The following SHQ1 variants were observed in gnomAD, a reference collection of about 807,000 sequenced individuals.
SHQ1 encodes protein SHQ1 homolog.
Under a neutral mutation model 53.8 loss-of-function variants are expected in SHQ1, and 49 were observed. That is an observed-to-expected ratio of 0.91 (90% confidence interval 0.72 to 1.16). SHQ1 has a LOEUF of 1.16. Ranked by LOEUF, SHQ1 falls within the 50% of genes most tolerant of loss-of-function variation. The pLI is 0.00. For synonymous variants in SHQ1, 243 were observed against 251.0 expected, an observed-to-expected ratio of 0.97 and a Z score of 0.30; for missense variants, 738 against 683.1, an observed-to-expected ratio of 1.08 and a Z score of -0.90.
At chr3:72,776,840 T>C (rs887091838) in intron 10 of SHQ1, among the ~76,000 whole-genome samples, 5 of 152,150 alleles carry the variant, frequency 3.3e-5, no homozygotes, top group Admixed American at 2.6e-4. Flanking sequence ...TAAGAAAGTA[T>C]GGCACTCTCG....
chr3:72,816,113 T>C (rs1502759), intron 7 of SHQ1, among the ~76,000 whole-genome samples: 151,924 of 152,260 alleles, frequency 1, 75,796 homozygotes, highest in East Asian at 1. Flanking sequence ...CAGACACAAA[T>C]GTCAAGAGGC....
At chr3:72,755,289 T>C (rs954151938) in intron 10 of SHQ1, among the ~76,000 whole-genome samples, 1 of 151,286 alleles carries the variant, frequency 6.6e-6, no homozygotes, top group Non-Finnish European at 1.5e-5. Context: ...GATGGATGGA[T>C]GGATGGATGG....
At chr3:72,806,555 C>T (rs1217512034) in intron 9 of SHQ1, among the ~76,000 whole-genome samples, 6 of 152,166 alleles carry the variant, frequency 3.9e-5, no homozygotes, top group Non-Finnish European at 8.8e-5. Flanking sequence ...AAAGTAGAGA[C>T]ATAAATTCCA....
the SHQ1 span, among the ~76,000 whole-genome samples, chr3:72,743,484 G>C: frequency 6.6e-6 from 1 of 152,194 alleles, no homozygotes; most frequent in Admixed American, 6.5e-5. Context: ...CCCAGACCCG[G>C]AAGAAGGAGG....
the SHQ1 span, among the ~76,000 whole-genome samples, chr3:72,731,598 G>T: frequency 6.6e-6 from 1 of 150,686 alleles, no homozygotes; most frequent in African/African-American, 2.5e-5. Context: ...TGAGGCAAGA[G>T]AATTGCTTGA....
In SHQ1 at chr3:72,815,336, A is replaced by G. The variant is rs767984994; in HGVS notation, c.936+14T>C. The G allele has an allele frequency of 6.2e-7, 1 of 1,609,784 alleles. No individual in the cohort carries two copies. The highest frequency in any genetic ancestry group is 1.1e-5 in the South Asian group (1 of 90,908). On this transcript the variant is annotated intron_variant, in intron 8 of 10. Coordinates refer to ENST00000325599, the MANE Select transcript of SHQ1 (RefSeq NM_018130.3). ...GAACAACAAATTCTAAACAATTGCA[A>G]CTGGAAATCATACCTCAAACCAGCA...
chr3:72,842,992 G>A (rs1262538545), intron 2 of SHQ1, among the ~76,000 whole-genome samples: 13 of 151,306 alleles, frequency 8.6e-5, no homozygotes, highest in South Asian at 8.3e-4. Context: ...CAGGATAATC[G>A]CTTGAACCCA....
chr3:72,796,575 C>T (rs1706630165), intron 9 of SHQ1, among the ~76,000 whole-genome samples: 1 of 152,108 alleles, frequency 6.6e-6, no homozygotes, highest in African/African-American at 2.4e-5. Context: ...AATCCCAGCA[C>T]TTTGGAAAGC....
At chr3:72,742,028 C>G in the SHQ1 span, among the ~76,000 whole-genome samples, 4 of 151,894 alleles carry the variant, frequency 2.6e-5, no homozygotes, top group Admixed American at 6.6e-5. Flanking sequence ...GAACCAATCT[C>G]CCACAGATAC....
chr3:72,750,116 TC>T lies in SHQ1; in HGVS notation c.*167del, dbSNP rs1705332336. 1 of 619,968 alleles carries T rather than the reference TC, an allele frequency of 1.6e-6. No individual in the cohort carries two copies. Among genetic ancestry groups the T allele is most frequent in the African/African-American group, 1.8e-5 (1 of 54,096 alleles). 38.4% of individuals were successfully genotyped at this position (619,968 alleles called of 1,614,324 possible). On this transcript the variant is annotated 3_prime_UTR_variant, in exon 11 of 11. Transcript: ENST00000325599. Reference sequence around the variant, plus strand: ...GTTTGGTACAGATGCGATTTTTTCTTCAATATTTTTGATCTGCAGTTGGTTG... The same window carrying T: ...GTTTGGTACAGATGCGATTTTTTCTTAATATTTTTGATCTGCAGTTGGTTG...
At chr3:72,809,254 G>A (rs1364873929) in intron 9 of SHQ1, among the ~76,000 whole-genome samples, 1 of 152,096 alleles carries the variant, frequency 6.6e-6, no homozygotes, top group Non-Finnish European at 1.5e-5. Flanking sequence ...GCTGGGGAAG[G>A]GAAGAATTTC....
chr3:72,774,824 C>T (rs531272566), intron 10 of SHQ1, among the ~76,000 whole-genome samples: 7 of 152,170 alleles, frequency 4.6e-5, no homozygotes, highest in East Asian at 1.9e-4. Flanking sequence ...GGATCAAGAG[C>T]GTGAAATGGG....
At chr3:72,805,393 GT>G (rs1371489650) in intron 9 of SHQ1, among the ~76,000 whole-genome samples, 1 of 152,000 alleles carries the variant, frequency 6.6e-6, no homozygotes, top group Non-Finnish European at 1.5e-5. Context: ...CAAATAGAAG[GT>G]TTTCTCTTTG....
chr3:72,798,413 G>A (rs982499382), intron 9 of SHQ1, among the ~76,000 whole-genome samples: 1 of 152,172 alleles, frequency 6.6e-6, no homozygotes, highest in Non-Finnish European at 1.5e-5. Context: ...TATTACAAAT[G>A]ACAAGTGCCA....
At chr3:72,788,501 G>T (rs1052369905) in intron 10 of SHQ1, among the ~76,000 whole-genome samples, 5 of 152,062 alleles carry the variant, frequency 3.3e-5, no homozygotes, top group African/African-American at 7.2e-5. Flanking sequence ...CGGGAGGTAG[G>T]GGGGGCGCCT....
intron 9 of SHQ1, chr3:72,795,608 C>G (rs1003437267): frequency 1.3e-5 from 2 of 152,210 alleles, no homozygotes; most frequent in Non-Finnish European, 2.9e-5. Flanking sequence ...CTTTCCTTCT[C>G]TCTCTCTTTT....
In SHQ1 at chr3:72,750,725, C is replaced by T. The variant is rs760679862; in HGVS notation, c.1293G>A (p.Glu431=). ...ELEAAALLVQ[E]EETALKAAHS... ...GGGCTGCTTTTAATGCAGTTTCTTC[C>T]TCCTGGACAAGCAGTGCTGCTGCTT... is the stretch of plus-strand genomic sequence containing the variant. The change falls in exon 11 of 11, where the codon GAG becomes GAA. Residue 431 remains glutamate, a synonymous_variant. Coordinates refer to ENST00000325599, the MANE Select transcript of SHQ1 (RefSeq NM_018130.3). 62 of 1,561,438 alleles carry T rather than the reference C, an allele frequency of 4.0e-5. No homozygotes were observed. The highest frequency in any genetic ancestry group is 5.5e-5 in the African/African-American group (4 of 73,188).
At chr3:72,762,799 C>G (rs1289837467) in intron 10 of SHQ1, among the ~76,000 whole-genome samples, 1 of 151,990 alleles carries the variant, frequency 6.6e-6, no homozygotes, top group South Asian at 2.1e-4. Flanking sequence ...CTCAGCCTCC[C>G]GAATAATGGG....
intron 6 of SHQ1, among the ~76,000 whole-genome samples, chr3:72,818,416 G>C (rs538422303): frequency 6.6e-6 from 1 of 152,186 alleles, no homozygotes; most frequent in Non-Finnish European, 1.5e-5. Flanking sequence ...AGACTCTCGA[G>C]ACTGTATTGA....
Sources: allele counts gnomAD v4.1 joint callset (sites outside exome capture counted in the v4.1 genomes callset), GRCh38; gene constraint gnomAD v4.1.1; transcripts MANE v1.5; gene names NCBI Gene and HGNC (gene_info 2026-07-23, HGNC 2026-07-21).